Variants in SLC35B3 observed in about 807,000 individuals in gnomAD.
The protein encoded by SLC35B3 is solute carrier family 35 member B3, also known as adenosine 3'-phospho 5'-phosphosulfate transporter 2.
A neutral mutation model predicts 44.1 loss-of-function variants in SLC35B3; 35 were observed. That is an observed-to-expected ratio of 0.79 (90% CI 0.61 to 1.05). The LOEUF is 1.05. Ranked by LOEUF, SLC35B3 falls within the 50% of genes least tolerant of loss-of-function variation. The pLI is 0.00. For missense variants in SLC35B3, 414 were observed against 476.4 expected (o/e 0.87, Z 1.22); for synonymous variants, 146 against 167.3 (o/e 0.87, Z 0.98).
At position 8,435,070 on chromosome 6, in the gene SLC35B3, A is replaced by G. The variant is rs940241866; in HGVS notation, c.-44+273T>C. The G allele has an allele frequency of 8.2e-7, 1 of 1,212,906 alleles. No homozygotes were observed. Among genetic ancestry groups the G allele is most frequent in the Admixed American group, 3.2e-5 (1 of 31,386 alleles). The allele number at this position is 1,212,906 out of a possible 1,614,324, so 75.1% of individuals were successfully genotyped here. On this transcript the variant is annotated intron_variant, in intron 1 of 10. Coordinates refer to ENST00000644923, the MANE Select transcript of SLC35B3 (RefSeq NM_001370476.2). This position sits in a 1 kb window ranked among gnomAD's most constrained non-coding sequence, Gnocchi z 5.5. ...ACAGCGTAAAAGACCCCTTGAGGTC[A>G]CCTCACCCCTGCGAGTCCACGGATT...
chr6:8,416,336 T>C (rs1762410491), intron 9 of SLC35B3, among the ~76,000 whole-genome samples: 1 of 152,068 alleles, frequency 6.6e-6, no homozygotes, highest in Non-Finnish European at 1.5e-5. Flanking sequence ...TCTGTTCCCC[T>C]CACTAGGCTA....
rs560240746 is a variant in SLC35B3, at chr6:8,430,411, G to A, written c.4-254C>T. Among the ~76,000 whole-genome samples the A allele has an allele frequency of 7.4e-5, 10 of 134,666 alleles. No homozygotes were observed. The East Asian group carries it at 1.9e-3, about 26-fold the overall frequency. The allele number at this position is 134,666 out of a possible 152,430, so 88.3% of individuals were successfully genotyped here. On this transcript the variant is annotated intron_variant, in intron 2 of 10. Transcript: ENST00000644923. Reference sequence around the variant, plus strand: ...CATACTTATTTCCACAGCAACAAAAGCTAGTTATTTCATCAAAGAACTAAA... The same window carrying A: ...CATACTTATTTCCACAGCAACAAAAACTAGTTATTTCATCAAAGAACTAAA...
chr6:8,415,052 T>C, intron 9 of SLC35B3, 75 bp from the exon 9 acceptor site: 1 of 965,338 alleles, frequency 1.0e-6, no homozygotes, highest in African/African-American at 1.6e-5. Context: ...ATTCAGCAAA[T>C]ATTTAGACCT....
In SLC35B3 at chr6:8,419,603, G is replaced by T. The variant is rs1286368371; in HGVS notation, c.757C>A (p.His253Asn). 1 of 1,557,548 alleles carries T rather than the reference G, an allele frequency of 6.4e-7. No individual in the cohort carries two copies. The highest frequency in any genetic ancestry group is 8.7e-7 in the Non-Finnish European group (1 of 1,143,688). ...ACCATTTCAGAATTAGAAGCATTAT[G>T]AAGTTTCATAGCTTTCTCTTGAACA... The change falls in exon 7 of 11, where the codon CAT becomes AAT. Residue 253 changes from histidine (H) to asparagine (N), a missense_variant. Coordinates refer to ENST00000644923, the MANE Select transcript of SLC35B3 (RefSeq NM_001370476.2). The surrounding 1 kb of genome is among the most constrained non-coding windows in gnomAD (Gnocchi z 4.3).
chr6:8,421,770 C>T (rs1202984459), intron 5 of SLC35B3, among the ~76,000 whole-genome samples: 1 of 152,130 alleles, frequency 6.6e-6, no homozygotes, highest in Non-Finnish European at 1.5e-5. Flanking sequence ...AATATGAGAA[C>T]TGCCCATGCA....
chr6:8,434,461 C>T lies in SLC35B3; in HGVS notation c.-43-31G>A, dbSNP rs1206036552. 2.5e-6 allele frequency: 4 copies of T among 1,595,210 alleles called. No individual in the cohort carries two copies. In the East Asian group the frequency reaches 9.0e-5, roughly 36 times the overall value. ...GTGTACGATTATAAAACAGAAAAAA[C>T]AAAGTTCCATCTCATTTCTTTGTAC... is the stretch of plus-strand genomic sequence containing the variant. On this transcript the variant is annotated intron_variant, in intron 1 of 10. Coordinates refer to ENST00000644923, the MANE Select transcript of SLC35B3 (RefSeq NM_001370476.2). This position sits in a 1 kb window ranked among gnomAD's most constrained non-coding sequence, Gnocchi z 6.3.
chr6:8,434,526 G>T lies in SLC35B3; in HGVS notation c.-43-96C>A. 1.0e-6 allele frequency: 1 copy of T among 956,768 alleles called. No individual in the cohort carries two copies. The highest frequency in any genetic ancestry group is 1.5e-6 in the Non-Finnish European group (1 of 668,764). The allele number at this position is 956,768 out of a possible 1,614,324, so 59.3% of individuals were successfully genotyped here. A position where few individuals can be genotyped will look rare whatever the true frequency, so the allele number is the denominator to read the frequency against. ...AAAGGTGGAGAAACCCTGTGCTAAT[G>T]TTTGAAGACTATTCTTTTTTTTTTC... is the stretch of plus-strand genomic sequence containing the variant. On this transcript the variant is annotated intron_variant, in intron 1 of 10. Transcript: ENST00000644923. This position sits in a 1 kb window ranked among gnomAD's most constrained non-coding sequence, Gnocchi z 6.3.
rs1259300877 is a variant in SLC35B3 at position 8,413,461 on chromosome 6, A to C, written c.*88T>G. 2.7e-5 allele frequency: 32 copies of C among 1,202,292 alleles called. No individual in the cohort carries two copies. Among genetic ancestry groups the C allele is most frequent in the Non-Finnish European group, 3.6e-5 (31 of 865,402 alleles). 74.5% of individuals were successfully genotyped at this position (1,202,292 alleles called of 1,614,324 possible). ...ACAAATGGGATAGCAATGCCTCCAG[A>C]TCCTTTGGTTTTTATCAGTCCCTTT... On this transcript the variant is annotated 3_prime_UTR_variant, in exon 11 of 11. Coordinates refer to ENST00000644923, the MANE Select transcript of SLC35B3 (RefSeq NM_001370476.2).
Position 8,420,835 on chromosome 6 carries a change from AAAAC to A in SLC35B3, c.575-11_575-8del, listed in dbSNP as rs777160128. 1.9e-6 allele frequency: 3 copies of A among 1,599,760 alleles called. No homozygotes were observed. In the South Asian group the frequency reaches 3.4e-5, roughly 18 times the overall value. Reference sequence around the variant, plus strand: ...GCAACATTATAACGCTTTCCTGTATAAAACAAACGTAAGTCCACTTCATTATGCA... The same window carrying A: ...GCAACATTATAACGCTTTCCTGTATAAAACGTAAGTCCACTTCATTATGCA... On this transcript the variant is annotated splice_polypyrimidine_tract_variant and splice_region_variant and intron_variant, in intron 5 of 10. Transcript: ENST00000644923. The surrounding 1 kb of genome is among the most constrained non-coding windows in gnomAD (Gnocchi z 4.4).
In SLC35B3 at chr6:8,417,723, A is replaced by G. The variant is rs560320126; in HGVS notation, c.781-229T>C. The stretch of plus-strand genomic sequence containing the variant: ...CACCTAGTAATATTAATCCTTTCAT[A>G]TATGCTTACATATTCATTTCTTTCT... On this transcript the variant is annotated intron_variant, in intron 7 of 10. Coordinates refer to ENST00000644923, the MANE Select transcript of SLC35B3 (RefSeq NM_001370476.2). Among the ~76,000 whole-genome samples, 3 of 152,236 alleles carry G rather than the reference A, an allele frequency of 2.0e-5. No individual in the cohort carries two copies. In the East Asian group the frequency reaches 5.8e-4, roughly 29 times the overall value.
At chr6:8,415,087 G>T in intron 9 of SLC35B3, 110 bp from the exon 9 acceptor site, 1 of 596,160 alleles carries the variant, frequency 1.7e-6, no homozygotes, top group Non-Finnish European at 2.9e-6. Flanking sequence ...ATCTGTTGAG[G>T]TGCCAAGGTG....
chr6:8,417,085 C>A (rs573257336), intron 8 of SLC35B3, 90 bp from the exon 8 acceptor site: 3 of 671,266 alleles, frequency 4.5e-6, no homozygotes, highest in Non-Finnish European at 7.6e-6. Flanking sequence ...TAATCAACTT[C>A]TTGAGCAATA....
At chr6:8,431,107 T>C (rs1420280249) in intron 2 of SLC35B3, among the ~76,000 whole-genome samples, 1 of 111,364 alleles carries the variant, frequency 9.0e-6, no homozygotes, top group Non-Finnish European at 1.8e-5. Context: ...TTTTTGTCAG[T>C]CTAAAAAAAA....
intron 10 of SLC35B3, among the ~76,000 whole-genome samples, chr6:8,413,992 C>T (rs114494093): frequency 6.6e-6 from 1 of 152,022 alleles, no homozygotes; most frequent in Non-Finnish European, 1.5e-5. Flanking sequence ...CAGTCCCCTA[C>T]CAAAAGTCGT....
chr6:8,417,223 A>C (rs1170852148), intron 8 of SLC35B3, among the ~76,000 whole-genome samples, 179 bp downstream of exon 7: 1 of 152,182 alleles, frequency 6.6e-6, no homozygotes, highest in Non-Finnish European at 1.5e-5. Flanking sequence ...GGGTACAGCA[A>C]GGATAAAATA....
At chr6:8,415,205 A>T (rs1273589484) in intron 9 of SLC35B3, among the ~76,000 whole-genome samples, 1 of 152,084 alleles carries the variant, frequency 6.6e-6, no homozygotes, top group Non-Finnish European at 1.5e-5. Context: ...TAATTAATAC[A>T]GTTAAATGTT....
intron 3 of SLC35B3, 176 bp downstream of exon 2, chr6:8,429,688 T>C: frequency 2.2e-6 from 1 of 449,242 alleles, no homozygotes; most frequent in Non-Finnish European, 3.8e-6. Context: ...CTTAAATTAT[T>C]TAACTCTTGA....
rs1381304226 is a variant in SLC35B3 at position 8,413,146 on chromosome 6, T to C, written c.*403A>G. On this transcript the variant is annotated 3_prime_UTR_variant, in exon 11 of 11. Coordinates refer to ENST00000644923, the MANE Select transcript of SLC35B3 (RefSeq NM_001370476.2). The stretch of plus-strand genomic sequence containing the variant: ...ACTTCAACTCATCAGTTTACTCTTA[T>C]AACAGAGAATCAATTTAAATAACAC... 6.3e-6 allele frequency: 1 copy of C among 157,780 alleles called. No homozygotes were observed. Among genetic ancestry groups the C allele is most frequent in the African/African-American group, 2.4e-5 (1 of 41,504 alleles). The allele number at this position is 157,780 out of a possible 1,614,324, so 9.8% of individuals were successfully genotyped here. A position where few individuals can be genotyped will look rare whatever the true frequency, so the allele number is the denominator to read the frequency against.
intron 4 of SLC35B3, among the ~76,000 whole-genome samples, chr6:8,423,484 C>T (rs1763129158): frequency 6.6e-6 from 1 of 152,152 alleles, no homozygotes; most frequent in Non-Finnish European, 1.5e-5. Context: ...CTTAATTTAG[C>T]ATCTTCAGAA....
Sources: gnomAD v4.1 joint callset for allele counts (sites outside exome capture counted in the v4.1 genomes callset) on GRCh38, gnomAD v4.1.1 for gene constraint, Gnocchi (gnomAD v3.1) non-coding constraint, MANE v1.5 for transcripts, NCBI Gene and HGNC (gene_info 2026-07-23, HGNC 2026-07-21) for gene names.